SLC35F3: variants seen among roughly 807,000 people sequenced by gnomAD.
The protein encoded by SLC35F3 is putative thiamine transporter SLC35F3.
SLC35F3 carries 25 observed loss-of-function variants against 49.9 expected under a neutral mutation model. That is an observed-to-expected ratio of 0.50 (90% CI 0.37 to 0.70). The LOEUF is 0.70. Among genes scored for constraint, SLC35F3 ranks in the 30% least tolerant of loss-of-function variants. The pLI, the probability that SLC35F3 is intolerant of heterozygous loss-of-function variation, is 0.00. For synonymous variants in SLC35F3, 275 were observed against 265.4 expected (o/e 1.04, Z -0.35); for missense variants, 525 against 639.8 (o/e 0.82, Z 1.94).
intron 2 of SLC35F3, among the ~76,000 whole-genome samples, chr1:234,198,032 A>G (rs373596174): frequency 7.2e-5 from 11 of 152,358 alleles, no homozygotes; most frequent in East Asian, 5.8e-4. Flanking sequence ...CACCTGTGAT[A>G]TGCTGTAAAC....
chr1:234,136,989 C>T (rs1184884419), intron 2 of SLC35F3, among the ~76,000 whole-genome samples: 1 of 152,130 alleles, frequency 6.6e-6, no homozygotes, highest in Admixed American at 6.5e-5. Flanking sequence ...TTATTGGGGC[C>T]CTACTGGATT....
At chr1:234,206,466 G>C (rs566153420) in intron 2 of SLC35F3, among the ~76,000 whole-genome samples, 3 of 136,202 alleles carry the variant, frequency 2.2e-5, no homozygotes, top group Admixed American at 1.5e-4. Context: ...TCCTGGGGGT[G>C]GGGGGGACTA....
chr1:234,032,569 C>T (rs776609733), intron 2 of SLC35F3, among the ~76,000 whole-genome samples: 1 of 152,156 alleles, frequency 6.6e-6, no homozygotes, highest in Non-Finnish European at 1.5e-5. Flanking sequence ...TTTATGTCCT[C>T]ATAGATTAGC....
intron 2 of SLC35F3, among the ~76,000 whole-genome samples, chr1:234,217,243 A>T (rs1667135797): frequency 6.6e-6 from 1 of 152,204 alleles, no homozygotes; most frequent in Non-Finnish European, 1.5e-5. Context: ...CAAAATAGAA[A>T]AGGCAAAGCT....
At chr1:234,112,602 C>A in intron 2 of SLC35F3, among the ~76,000 whole-genome samples, 1 of 143,864 alleles carries the variant, frequency 7.0e-6, no homozygotes, top group Non-Finnish European at 1.5e-5. Flanking sequence ...GTCACCCAGG[C>A]TGGAGTGCAG....
chr1:234,172,556 G>A (rs879129313), intron 2 of SLC35F3, among the ~76,000 whole-genome samples: 2 of 152,188 alleles, frequency 1.3e-5, no homozygotes, highest in Admixed American at 6.5e-5. Flanking sequence ...AAATAGTTCA[G>A]TGTCACTTAA....
intron 3 of SLC35F3, among the ~76,000 whole-genome samples, chr1:234,282,520 G>T (rs1006852308): frequency 3.9e-5 from 6 of 152,242 alleles, no homozygotes; most frequent in Non-Finnish European, 7.3e-5. Context: ...ACTTAGCCTT[G>T]CTGGGGAGGG....
chr1:234,231,563 T>G lies in SLC35F3; in HGVS notation c.430T>G (p.Cys144Gly), dbSNP rs140011243. ...CTTCTGGGGCGTGGCGGTCGTGCTG[T>G]GCGTGTGCTCCTCGTGGGCGGGCTC... ...KIFWGVAVVLCVCSSWAGSTQ... is the reference protein window; with the variant it reads ...KIFWGVAVVLGVCSSWAGSTQ... Residue 144 changes from cysteine (C) to glycine (G), a missense_variant, in exon 3 of 8, where the codon TGC (cysteine) becomes GGC (glycine). This residue lies in a region of SLC35F3 where 228 missense variants were observed against 218.9 expected (regional missense o/e 1.04). Coordinates refer to ENST00000366618, the MANE Select transcript of SLC35F3 (RefSeq NM_173508.4). This position sits in a 1 kb window ranked among gnomAD's most constrained non-coding sequence, Gnocchi z 5.4. 505 of 1,614,030 alleles carry G rather than the reference T, an allele frequency of 3.1e-4. 1 individual carries two copies. Among genetic ancestry groups the G allele is most frequent in the Admixed American group, 4.2e-4 (25 of 60,008 alleles).
At chr1:234,219,181 A>G (rs1257769694) in intron 2 of SLC35F3, among the ~76,000 whole-genome samples, 1 of 149,140 alleles carries the variant, frequency 6.7e-6, no homozygotes, top group Non-Finnish European at 1.5e-5. Context: ...CTCCTTTGGG[A>G]GTGTTGGGTG....
rs188508379 is a variant in SLC35F3, at chr1:234,083,209, G to A, written c.284-148208G>A. Among the ~76,000 whole-genome samples, 519 of 152,326 alleles carry A rather than the reference G, an allele frequency of 3.4e-3. 2 individuals carry two copies. Among genetic ancestry groups the A allele is most frequent in the African/African-American group, 0.012 (496 of 41,584 alleles). On this transcript the variant is annotated intron_variant, in intron 2 of 7. Coordinates refer to ENST00000366618, the MANE Select transcript of SLC35F3 (RefSeq NM_173508.4). ...GCAACTATACTGGCAGCTAACTCCA[G>A]TGATTAGCAGAATTGCTGCTAATTA... is the stretch of plus-strand genomic sequence containing the variant.
At chr1:234,258,577 T>C (rs1326790121) in intron 3 of SLC35F3, among the ~76,000 whole-genome samples, 1 of 152,262 alleles carries the variant, frequency 6.6e-6, no homozygotes, top group Non-Finnish European at 1.5e-5. Flanking sequence ...AGTTCCATCC[T>C]GAACAAGGAG....
chr1:234,130,192 A>G lies in SLC35F3; in HGVS notation c.284-101225A>G, dbSNP rs1665713308. On this transcript the variant is annotated intron_variant, in intron 2 of 7. Coordinates refer to ENST00000366618, the MANE Select transcript of SLC35F3 (RefSeq NM_173508.4). ...AGGAATTCAAACAAGTTGATTTTAAAATGGACCAAACAACCAAACAGGTAT... is the reference window on the plus strand; with the variant it reads ...AGGAATTCAAACAAGTTGATTTTAAGATGGACCAAACAACCAAACAGGTAT... 2.0e-5 allele frequency among the ~76,000 whole-genome samples: 3 copies of G among 152,226 alleles called. No individual in the cohort carries two copies. In the South Asian group the frequency reaches 6.2e-4, roughly 32 times the overall value.
intron 2 of SLC35F3, among the ~76,000 whole-genome samples, chr1:234,070,048 G>T (rs1572040213): frequency 6.6e-6 from 1 of 152,252 alleles, no homozygotes; most frequent in Non-Finnish European, 1.5e-5. Flanking sequence ...CCACCAGGAA[G>T]TTGGTTTAAA....
chr1:233,949,693 G>A (rs1362304774), intron 2 of SLC35F3, among the ~76,000 whole-genome samples: 2 of 152,130 alleles, frequency 1.3e-5, no homozygotes, highest in Non-Finnish European at 2.9e-5. Context: ...AGGATCGCTG[G>A]GCAGGTTAAT....
Position 234,214,828 on chromosome 1 carries a change from G to A in SLC35F3, c.284-16589G>A. The stretch of plus-strand genomic sequence containing the variant: ...CCGGCTCCCCAACCCTCTCCTTCCT[G>A]GGCAGCACCCAGCGCATCTGGCAGC... On this transcript the variant is annotated intron_variant, in intron 2 of 7. Transcript: ENST00000366618. This position sits in a 1 kb window ranked among gnomAD's most constrained non-coding sequence, Gnocchi z 8.0. 1 of 437,562 alleles carries A rather than the reference G, an allele frequency of 2.3e-6. No individual in the cohort carries two copies. The highest frequency in any genetic ancestry group is 4.0e-6 in the Non-Finnish European group (1 of 250,334). The allele number at this position is 437,562 out of a possible 1,614,324, so 27.1% of individuals were successfully genotyped here. A position where few individuals can be genotyped will look rare whatever the true frequency, so the allele number is the denominator to read the frequency against.
chr1:234,122,632 C>T (rs1665593112), intron 2 of SLC35F3, among the ~76,000 whole-genome samples: 1 of 152,076 alleles, frequency 6.6e-6, no homozygotes. Context: ...CCCCCATGGC[C>T]CAACAGGCCT....
Position 234,320,310 on chromosome 1 carries a change from A to G in SLC35F3, c.1237+123A>G, listed in dbSNP as rs1395898629. On this transcript the variant is annotated intron_variant, in intron 7 of 7. Coordinates refer to ENST00000366618, the MANE Select transcript of SLC35F3 (RefSeq NM_173508.4). This position sits in a 1 kb window ranked among gnomAD's most constrained non-coding sequence, Gnocchi z 4.8. ...CACATACACTCACATACACACACTC[A>G]TGCATACACACACACACACATACTC... The G allele has an allele frequency of 2.9e-6, 2 of 699,582 alleles. No homozygotes were observed. Among genetic ancestry groups the G allele is most frequent in the Admixed American group, 2.0e-5 (1 of 50,358 alleles). The allele number at this position is 699,582 out of a possible 1,614,324, so 43.3% of individuals were successfully genotyped here. A position where few individuals can be genotyped will look rare whatever the true frequency, so the allele number is the denominator to read the frequency against.
chr1:234,006,631 C>T (rs1420991780), intron 2 of SLC35F3, among the ~76,000 whole-genome samples: 3 of 152,176 alleles, frequency 2.0e-5, no homozygotes, highest in Non-Finnish European at 4.4e-5. Context: ...TAACTTTTAC[C>T]TTGAAGGCAC....
At chr1:233,984,863 A>G (rs902532123) in intron 2 of SLC35F3, among the ~76,000 whole-genome samples, 1 of 152,168 alleles carries the variant, frequency 6.6e-6, no homozygotes, top group Non-Finnish European at 1.5e-5. Context: ...AGAAAACCAA[A>G]CATCCCATGA....
Sources: allele counts gnomAD v4.1 joint callset (sites outside exome capture counted in the v4.1 genomes callset), GRCh38; gene constraint gnomAD v4.1.1; regional missense constraint gnomAD v4.1.1; non-coding constraint Gnocchi (gnomAD v3.1); transcripts MANE v1.5; gene names NCBI Gene and HGNC (gene_info 2026-07-23, HGNC 2026-07-21).